DPP6: variants seen among roughly 807,000 people sequenced by gnomAD.
The protein encoded by DPP6 is dipeptidyl peptidase like 6.
DPP6 carries 69 observed loss-of-function variants against 122.6 expected under a neutral mutation model. That is an observed-to-expected ratio of 0.56 (90% confidence interval 0.46 to 0.69). The LOEUF (loss-of-function observed/expected upper bound fraction) is 0.69. Ranked by LOEUF, DPP6 falls within the 30% of genes least tolerant of loss-of-function variation. The pLI is 0.00. For synonymous variants in DPP6, 418 were observed against 433.1 expected, an observed-to-expected ratio of 0.97 and a Z score of 0.43; for missense variants, 928 against 1,116.9, an observed-to-expected ratio of 0.83 and a Z score of 2.41.
the DPP6 span, among the ~76,000 whole-genome samples, chr7:153,877,664 G>C: frequency 6.6e-6 from 1 of 152,130 alleles, no homozygotes; most frequent in Non-Finnish European, 1.5e-5. Context: ...TAGTACGTAT[G>C]ACCAATCTTA....
chr7:153,857,322 T>TTCTCTCTCTCTCTCTCTCTCTCTCTC, the DPP6 span, among the ~76,000 whole-genome samples: 487 of 124,428 alleles, frequency 3.9e-3, 20 homozygotes, highest in Non-Finnish European at 5.2e-3. Flanking sequence ...CTCAAAGGTT[T>TTCTCTCTCTCTCTCTCTCTCTCTCTC]TCTCTCTCTC....
At chr7:153,872,183 A>G in the DPP6 span, among the ~76,000 whole-genome samples, 7 of 152,214 alleles carry the variant, frequency 4.6e-5, no homozygotes, top group African/African-American at 1.7e-4. Flanking sequence ...TATTAGCATC[A>G]ACTGGGTACA....
rs771751129 is a variant in DPP6, at chr7:154,872,625, C to G, written c.1815C>G (p.Asn605Lys). The G allele has an allele frequency of 1.9e-6, 3 of 1,599,286 alleles. No homozygotes were observed. The African/African-American group carries it at 4.0e-5, about 21-fold the overall frequency. ...EYRDIEIDDY[N>K]LPMQILKPAT... ...GTGCTGTGCTCTGCTTCTCCCCAGA[C>G]CTGCCCATGCAGATACTGAAGCCAG... Residue 605 changes from asparagine (N) to lysine (K), a missense_variant and splice_region_variant, in exon 19 of 26, where the codon AAC (asparagine) becomes AAG (lysine). Coordinates refer to ENST00000377770, the MANE Select transcript of DPP6 (RefSeq NM_130797.4).
At chr7:154,231,854 AAGTATTTG>A (rs1454133499) in intron 1 of DPP6, among the ~76,000 whole-genome samples, 1 of 152,160 alleles carries the variant, frequency 6.6e-6, no homozygotes, top group Non-Finnish European at 1.5e-5. Context: ...GATGATTTTC[AAGTATTTG>A]AGCATACTTG....
intron 1 of DPP6, among the ~76,000 whole-genome samples, chr7:154,444,974 T>G (rs1340063844): frequency 6.6e-6 from 1 of 152,242 alleles, no homozygotes; most frequent in Non-Finnish European, 1.5e-5. Context: ...TCTAAACCAC[T>G]GTAGAACTCT....
At chr7:153,889,975 TG>T (rs1369120668) in intron 1 of DPP6, among the ~76,000 whole-genome samples, 1 of 152,252 alleles carries the variant, frequency 6.6e-6, no homozygotes, top group Non-Finnish European at 1.5e-5. Flanking sequence ...GACTTACCCA[TG>T]CCTAATCTCT....
chr7:154,882,780 G>A (rs1211287588), intron 21 of DPP6, among the ~76,000 whole-genome samples: 5 of 152,128 alleles, frequency 3.3e-5, no homozygotes, highest in Admixed American at 2.0e-4. Context: ...TGACAAGTAA[G>A]GACGTGTGGA....
intron 1 of DPP6, among the ~76,000 whole-genome samples, chr7:154,227,791 AC>A (rs1182769567): frequency 6.6e-6 from 1 of 152,108 alleles, no homozygotes; most frequent in Non-Finnish European, 1.5e-5. Context: ...AGTGCCAGAC[AC>A]TGTCATGATC....
the DPP6 span, among the ~76,000 whole-genome samples, chr7:153,804,755 G>A: frequency 2.0e-5 from 3 of 151,970 alleles, no homozygotes; most frequent in Non-Finnish European, 4.4e-5. Context: ...GTAGTGGTGG[G>A]CACCTGTAAT....
chr7:154,601,006 G>A (rs1250888040), intron 5 of DPP6, among the ~76,000 whole-genome samples: 3 of 120,114 alleles, frequency 2.5e-5, no homozygotes, highest in Admixed American at 9.3e-5. Flanking sequence ...CAGGAGAATC[G>A]CTTGAACCCT....
chr7:154,642,451 A>G (rs1016293642), intron 6 of DPP6, among the ~76,000 whole-genome samples: 11 of 152,060 alleles, frequency 7.2e-5, no homozygotes, highest in Admixed American at 7.2e-4. Flanking sequence ...TTAGCTGGGC[A>G]TGGTGGCGGG....
chr7:154,630,643 A>C (rs916939798), intron 5 of DPP6, among the ~76,000 whole-genome samples: 3 of 152,234 alleles, frequency 2.0e-5, no homozygotes, highest in African/African-American at 7.2e-5. Context: ...AGGGACATGG[A>C]TGAAGCTGGA....
intron 21 of DPP6, among the ~76,000 whole-genome samples, chr7:154,881,319 A>T (rs1018386512): frequency 6.6e-6 from 1 of 152,218 alleles, no homozygotes; most frequent in Non-Finnish European, 1.5e-5. Flanking sequence ...GTTAATTACC[A>T]TGTCTACTTA....
At chr7:154,634,641 C>G (rs1835621405) in intron 5 of DPP6, among the ~76,000 whole-genome samples, 1 of 144,138 alleles carries the variant, frequency 6.9e-6, no homozygotes. Flanking sequence ...TCCTCCTCTT[C>G]TTCCTCCTCC....
chr7:153,916,957 G>A (rs888381430), intron 1 of DPP6, among the ~76,000 whole-genome samples: 4 of 152,172 alleles, frequency 2.6e-5, no homozygotes, highest in Admixed American at 1.3e-4. Flanking sequence ...ATAGAGCATC[G>A]CTGATTAGTG....
chr7:154,023,320 A>G (rs1313612443), intron 1 of DPP6, among the ~76,000 whole-genome samples: 1 of 127,766 alleles, frequency 7.8e-6, no homozygotes, highest in Non-Finnish European at 1.7e-5. Context: ...TCTTGTCTGC[A>G]CACACACACA....
intron 1 of DPP6, among the ~76,000 whole-genome samples, chr7:154,087,446 G>A (rs1354631166): frequency 7.9e-5 from 12 of 152,212 alleles, no homozygotes; most frequent in Non-Finnish European, 1.8e-4. Context: ...TGGGTTGGAG[G>A]GAGAGAGTGA....
chr7:154,644,417 C>A (rs1446890490), intron 6 of DPP6, among the ~76,000 whole-genome samples: 1 of 152,172 alleles, frequency 6.6e-6, no homozygotes, highest in Non-Finnish European at 1.5e-5. Context: ...GTGAGTTGAG[C>A]CTGGTGCCAT....
intron 1 of DPP6, among the ~76,000 whole-genome samples, chr7:154,127,575 T>G (rs1807979670): frequency 6.9e-6 from 1 of 144,428 alleles, no homozygotes; most frequent in African/African-American, 2.7e-5. Context: ...CTGGGGGAGT[T>G]GGGGTAAACA....
Sources: allele counts gnomAD v4.1 joint callset (sites outside exome capture counted in the v4.1 genomes callset), GRCh38; gene constraint gnomAD v4.1.1; transcripts MANE v1.5; gene names NCBI Gene and HGNC (gene_info 2026-07-23, HGNC 2026-07-21).